IL2RA: variants seen among roughly 807,000 people sequenced by gnomAD.
IL2RA encodes the protein interleukin 2 receptor subunit alpha.
In IL2RA, 24 loss-of-function variants were observed where a neutral mutation model predicts 37.8. The ratio of observed to expected loss-of-function variants is 0.63; its 90% CI spans 0.46 to 0.89. The LOEUF (loss-of-function observed/expected upper bound fraction) is 0.89, where lower values mean the gene tolerates loss of function less well. IL2RA is among the 40% of genes least tolerant of loss of function. The pLI is 0.00. For synonymous variants in IL2RA, 125 were observed against 114.6 expected (o/e 1.09, Z -0.58); for missense variants, 319 against 348.6 (o/e 0.92, Z 0.68).
chr10:6,016,300 C>T (rs1157952705), intron 7 of IL2RA, among the ~76,000 whole-genome samples: 1 of 152,128 alleles, frequency 6.6e-6, no homozygotes, highest in South Asian at 2.1e-4. Context: ...ACATGGGGGC[C>T]CCTCGACCTC....
At chr10:6,059,950 A>G (rs930350331) in intron 1 of IL2RA, among the ~76,000 whole-genome samples, 19 of 152,028 alleles carry the variant, frequency 1.2e-4, no homozygotes, top group African/African-American at 4.4e-4. Flanking sequence ...TATTTCCTAT[A>G]GTGTTGAGGG....
chr10:6,025,925 GAAAC>G lies in IL2RA; in HGVS notation c.161_164del (p.Gly54AlafsTer4). 6.2e-7 allele frequency: 1 copy of G among 1,614,202 alleles called. No homozygotes were observed. Among genetic ancestry groups the G allele is most frequent in the Non-Finnish European group, 8.5e-7 (1 of 1,180,034 alleles). On this transcript the variant is annotated frameshift_variant, in exon 2 of 8. Coordinates refer to ENST00000379959, the MANE Select transcript of IL2RA (RefSeq NM_000417.3). LOFTEE classifies it high-confidence loss of function. The surrounding 1 kb of genome is among the most constrained non-coding windows in gnomAD (Gnocchi z 4.4). ...AGAGTGACCCGCTTTTTATTCTGCG[GAAAC>G]CTCTCTTGCATTCACAGTTCAACAT...
At chr10:6,013,011 G>T in intron 7 of IL2RA, 115 bp from the exon 8 acceptor site, 1 of 981,104 alleles carries the variant, frequency 1.0e-6, no homozygotes, top group Non-Finnish European at 1.6e-6. Flanking sequence ...TGTATTTTTA[G>T]TAGAGATGGG....
rs12722496 is a variant in IL2RA, at chr10:6,054,704, A to G, written c.64+7384T>C. On this transcript the variant is annotated intron_variant, in intron 1 of 7. Coordinates refer to ENST00000379959, the MANE Select transcript of IL2RA (RefSeq NM_000417.3). This position sits in a 1 kb window ranked among gnomAD's most constrained non-coding sequence, Gnocchi z 4.5. ...TTCTCCAGCCCCTCTCCTGATATTC[A>G]GAACCACCATTCAGAGCCAGGAGGT... 0.075 allele frequency among the ~76,000 whole-genome samples: 11,341 copies of G among 152,210 alleles called. 536 individuals carry two copies. The highest frequency in any genetic ancestry group is 0.1 in the Non-Finnish European group (7,111 of 68,002).
At chr10:6,039,404 A>G (rs1334448420) in intron 1 of IL2RA, 1 of 152,258 alleles carries the variant, frequency 6.6e-6, no homozygotes, top group Non-Finnish European at 1.5e-5. Flanking sequence ...GAAATCTACT[A>G]TCATAATGAG....
chr10:6,015,776 G>A lies in IL2RA; in HGVS notation c.794+2277C>T, dbSNP rs28360483. ...GTTTGAAAACCAATGGCCGGGTGTA[G>A]GGTTGTCAAACCTGGATGCATATGT... On this transcript the variant is annotated intron_variant, in intron 7 of 7. Coordinates refer to ENST00000379959, the MANE Select transcript of IL2RA (RefSeq NM_000417.3). The surrounding 1 kb of genome is among the most constrained non-coding windows in gnomAD (Gnocchi z 4.9). Among the ~76,000 whole-genome samples, 4 of 152,196 alleles carry A rather than the reference G, an allele frequency of 2.6e-5. No individual in the cohort carries two copies. Among genetic ancestry groups the A allele is most frequent in the Admixed American group, 2.0e-4 (3 of 15,270 alleles).
rs1392651688 is a variant in IL2RA, at chr10:6,057,285, G to A, written c.64+4803C>T. Among the ~76,000 whole-genome samples, 1 of 152,112 alleles carries A rather than the reference G, an allele frequency of 6.6e-6. No individual in the cohort carries two copies. The highest frequency in any genetic ancestry group is 1.5e-5 in the Non-Finnish European group (1 of 68,014). On this transcript the variant is annotated intron_variant, in intron 1 of 7. Coordinates refer to ENST00000379959, the MANE Select transcript of IL2RA (RefSeq NM_000417.3). The surrounding 1 kb of genome is among the most constrained non-coding windows in gnomAD (Gnocchi z 4.8). ...AACTGCAGCAATTACAGAAGCAGTG[G>A]GTCATGCTGGCTGCCAGGCAGTACT...
In IL2RA at chr10:6,018,086, A is replaced by G; in HGVS notation, c.761T>C (p.Leu254Pro). Residue 254 changes from leucine to proline, a missense_variant, in exon 7 of 8, where the codon CTC becomes CCC. Leu to Pro is a moderately conservative substitution (Grantham distance 98, BLOSUM62 -3). Coordinates refer to ENST00000379959, the MANE Select transcript of IL2RA (RefSeq NM_000417.3). The surrounding 1 kb of genome is among the most constrained non-coding windows in gnomAD (Gnocchi z 5.1). ...AGCVFLLISVLLLSGLTWQRR... is the reference protein window; with the variant it reads ...AGCVFLLISVPLLSGLTWQRR... Reference sequence around the variant, plus strand: ...CTGCCAGGTGAGCCCACTCAGGAGGAGGACGCTGATCAGCAGGAAAACACA... The same window carrying G: ...CTGCCAGGTGAGCCCACTCAGGAGGGGGACGCTGATCAGCAGGAAAACACA... 1 of 1,613,952 alleles carries G rather than the reference A, an allele frequency of 6.2e-7. No individual in the cohort carries two copies. The highest frequency in any genetic ancestry group is 8.5e-7 in the Non-Finnish European group (1 of 1,179,932).
chr10:6,061,321 G>C (rs1840118582), intron 1 of IL2RA, among the ~76,000 whole-genome samples: 1 of 152,136 alleles, frequency 6.6e-6, no homozygotes, highest in Admixed American at 6.5e-5. Context: ...GGGAGGCGAA[G>C]GTTGCAGTAA....
rs1839885632 is a variant in IL2RA, at chr10:6,047,606, A to C, written c.64+14482T>G. On this transcript the variant is annotated intron_variant, in intron 1 of 7. Transcript: ENST00000379959. This position sits in a 1 kb window ranked among gnomAD's most constrained non-coding sequence, Gnocchi z 5.0. ...TTATTATGAATATGAAGGATAATTA[A>C]CGTATCTATTATTTTATTAGACATC... is the stretch of plus-strand genomic sequence containing the variant. Among the ~76,000 whole-genome samples, 1 of 151,776 alleles carries C rather than the reference A, an allele frequency of 6.6e-6. No homozygotes were observed. Among genetic ancestry groups the C allele is most frequent in the Non-Finnish European group, 1.5e-5 (1 of 67,968 alleles).
rs199788056 is a variant in IL2RA at position 6,029,128 on chromosome 10, TTTTATTTATTTATTTA to T, written c.65-3119_65-3104del. On this transcript the variant is annotated intron_variant, in intron 1 of 7. Transcript: ENST00000379959. This position sits in a 1 kb window ranked among gnomAD's most constrained non-coding sequence, Gnocchi z 4.6. ...TGACCTGCAGATTTGCTGCCATTTA[TTTTATTTATTTATTTA>T]TTTATTTATTTATTTATTTATTTAT... Among the ~76,000 whole-genome samples, 5,734 of 140,796 alleles carry T rather than the reference TTTTATTTATTTATTTA, an allele frequency of 0.041. 173 individuals carry two copies. The highest frequency in any genetic ancestry group is 0.067 in the Middle Eastern group (19 of 284). The allele number at this position is 140,796 out of a possible 152,430, so 92.4% of individuals were successfully genotyped here. A position where few individuals can be genotyped will look rare whatever the true frequency, so the allele number is the denominator to read the frequency against.
At chr10:6,050,556 ATC>A (rs1314047897) in intron 1 of IL2RA, among the ~76,000 whole-genome samples, 1 of 152,170 alleles carries the variant, frequency 6.6e-6, no homozygotes, top group African/African-American at 2.4e-5. Flanking sequence ...AGGCATGAGA[ATC>A]TCTTGAACCC....
intron 1 of IL2RA, among the ~76,000 whole-genome samples, chr10:6,050,419 T>C (rs949380117): frequency 2.0e-5 from 3 of 152,166 alleles, no homozygotes; most frequent in Admixed American, 1.3e-4. Flanking sequence ...GGTGGATCAA[T>C]TGAGGTCAGG....
Position 6,054,703 on chromosome 10 carries a change from C to T in IL2RA, c.64+7385G>A, listed in dbSNP as rs1840015443. Among the ~76,000 whole-genome samples the T allele has an allele frequency of 6.6e-6, 1 of 152,158 alleles. No homozygotes were observed. The highest frequency in any genetic ancestry group is 1.5e-5 in the Non-Finnish European group (1 of 68,018). On this transcript the variant is annotated intron_variant, in intron 1 of 7. Transcript: ENST00000379959. The surrounding 1 kb of genome is among the most constrained non-coding windows in gnomAD (Gnocchi z 4.5). ...ATTCTCCAGCCCCTCTCCTGATATT[C>T]AGAACCACCATTCAGAGCCAGGAGG...
rs901162533 is a variant in IL2RA at position 6,048,778 on chromosome 10, C to A, written c.64+13310G>T. Among the ~76,000 whole-genome samples, 4 of 152,316 alleles carry A rather than the reference C, an allele frequency of 2.6e-5. No homozygotes were observed. Among genetic ancestry groups the A allele is most frequent in the Middle Eastern group, 6.8e-3 (2 of 294 alleles). On this transcript the variant is annotated intron_variant, in intron 1 of 7. Transcript: ENST00000379959. This position sits in a 1 kb window ranked among gnomAD's most constrained non-coding sequence, Gnocchi z 5.3. ...AATGCTGTCTCTCCAAAGTACAAGCCATGCCCTGACTGAGACCCCTCTGGG... is the reference window on the plus strand; with the variant it reads ...AATGCTGTCTCTCCAAAGTACAAGCAATGCCCTGACTGAGACCCCTCTGGG...
Position 6,054,809 on chromosome 10 carries a change from C to CA in IL2RA, c.64+7278dup, listed in dbSNP as rs1564553921. Among the ~76,000 whole-genome samples, 1 of 152,124 alleles carries CA rather than the reference C, an allele frequency of 6.6e-6. No individual in the cohort carries two copies. The highest frequency in any genetic ancestry group is 1.5e-5 in the Non-Finnish European group (1 of 68,008). On this transcript the variant is annotated intron_variant, in intron 1 of 7. Transcript: ENST00000379959. This position sits in a 1 kb window ranked among gnomAD's most constrained non-coding sequence, Gnocchi z 4.5. ...CTCTCCCTATTCTGATCATTTATGGCATTATTTGCAATGTTTGATCAATAT... is the reference window on the plus strand; with the variant it reads ...CTCTCCCTATTCTGATCATTTATGGCAATTATTTGCAATGTTTGATCAATAT...
At chr10:6,051,887 A>G (rs1839969588) in intron 1 of IL2RA, among the ~76,000 whole-genome samples, 1 of 137,156 alleles carries the variant, frequency 7.3e-6, no homozygotes, top group East Asian at 2.1e-4. Context: ...AAAGTATATA[A>G]TAATGTAAAC....
chr10:6,036,869 G>A lies in IL2RA; in HGVS notation c.65-10844C>T, dbSNP rs1286814689. 6.6e-6 allele frequency among the ~76,000 whole-genome samples: 1 copy of A among 152,180 alleles called. No homozygotes were observed. The highest frequency in any genetic ancestry group is 2.4e-5 in the African/African-American group (1 of 41,430). On this transcript the variant is annotated intron_variant, in intron 1 of 7. Coordinates refer to ENST00000379959, the MANE Select transcript of IL2RA (RefSeq NM_000417.3). The surrounding 1 kb of genome is among the most constrained non-coding windows in gnomAD (Gnocchi z 6.1). ...CTAGAGCCGGCAGGACGGATGCTGA[G>A]GTTGTTCGCAGCAGCGTGTGTGCAG...
intron 1 of IL2RA, among the ~76,000 whole-genome samples, chr10:6,045,990 C>G (rs571105697): frequency 5.9e-5 from 9 of 152,300 alleles, no homozygotes; most frequent in Admixed American, 4.6e-4. Context: ...GAGGGCCGGT[C>G]CTGTTAACAC....
Sources: gnomAD v4.1 joint callset for allele counts (sites outside exome capture counted in the v4.1 genomes callset) on GRCh38, gnomAD v4.1.1 for gene constraint, Gnocchi (gnomAD v3.1) non-coding constraint, MANE v1.5 for transcripts, NCBI Gene and HGNC (gene_info 2026-07-23, HGNC 2026-07-21) for gene names.